The following TRDN variants were observed in gnomAD, a reference collection of about 807,000 sequenced individuals.
TRDN encodes triadin in skeletal muscle.
Under a neutral mutation model 149.7 loss-of-function variants are expected in TRDN, and 161 were observed. The ratio of observed to expected loss-of-function variants is 1.08; its 90% CI spans 0.95 to 1.23. TRDN has a LOEUF of 1.23. Ranked by LOEUF, TRDN falls within the 50% of genes most tolerant of loss-of-function variation. The pLI, the probability that TRDN is intolerant of heterozygous loss-of-function variation, is 0.00. For synonymous variants in TRDN, 294 were observed against 250.5 expected, an observed-to-expected ratio of 1.17 and a Z score of -1.64; for missense variants, 896 against 823.5, an observed-to-expected ratio of 1.09 and a Z score of -1.08.
At chr6:123,360,744 AG>A (rs1780870244) in intron 20 of TRDN, among the ~76,000 whole-genome samples, 2 of 150,786 alleles carry the variant, frequency 1.3e-5, no homozygotes, top group South Asian at 4.3e-4. Flanking sequence ...AGAGAGAGAC[AG>A]GGAGAGAGAG....
chr6:123,363,161 T>C (rs78102290), intron 20 of TRDN, among the ~76,000 whole-genome samples: 1,890 of 152,290 alleles, frequency 0.012, 33 homozygotes, highest in African/African-American at 0.043. Flanking sequence ...TAAGCCTCAA[T>C]TTAGAACAAT....
chr6:123,542,884 GTGTC>G (rs1011527854), intron 4 of TRDN, among the ~76,000 whole-genome samples: 33 of 148,876 alleles, frequency 2.2e-4, no homozygotes, highest in Admixed American at 5.3e-4. Context: ...GTGTGTGTGT[GTGTC>G]TGTCTGTCTG....
intron 1 of TRDN, among the ~76,000 whole-genome samples, chr6:123,617,741 G>C (rs1203308709): frequency 6.6e-6 from 1 of 151,696 alleles, no homozygotes; most frequent in Admixed American, 6.6e-5. Context: ...AAATAAATTT[G>C]TTTGTTTGTT....
At chr6:123,410,177 G>C (rs561853687) in intron 12 of TRDN, among the ~76,000 whole-genome samples, 1 of 152,172 alleles carries the variant, frequency 6.6e-6, no homozygotes, top group South Asian at 2.1e-4. Context: ...TTGGTGTAAA[G>C]TACATATTGT....
rs1775011579 is a variant in TRDN at position 123,217,943 on chromosome 6, T to C, written c.*658A>G. ...TGTCCTAATTATCATTCAAGACATA[T>C]CTTAAAGATTTATCAAGCATTTACT... On this transcript the variant is annotated 3_prime_UTR_variant, in exon 41 of 41. Coordinates refer to ENST00000334268, the MANE Select transcript of TRDN (RefSeq NM_006073.4). 1 of 151,938 alleles carries C rather than the reference T, an allele frequency of 6.6e-6. No homozygotes were observed. The highest frequency in any genetic ancestry group is 6.6e-5 in the Admixed American group (1 of 15,218). The allele number at this position is 151,938 out of a possible 1,614,324, so 9.4% of individuals were successfully genotyped here.
chr6:123,303,545 T>C (rs1778504978), intron 24 of TRDN, among the ~76,000 whole-genome samples: 1 of 151,992 alleles, frequency 6.6e-6, no homozygotes, highest in African/African-American at 2.4e-5. Flanking sequence ...CATGGGCAGG[T>C]GGGATAGTTT....
intron 2 of TRDN, among the ~76,000 whole-genome samples, chr6:123,560,432 C>T (rs1324888631): frequency 6.6e-6 from 1 of 152,068 alleles, no homozygotes; most frequent in Non-Finnish European, 1.5e-5. Context: ...ATCATTAATG[C>T]CTCTTTAATA....
At chr6:123,379,430 T>C (rs1410752973) in intron 16 of TRDN, among the ~76,000 whole-genome samples, 1 of 152,196 alleles carries the variant, frequency 6.6e-6, no homozygotes, top group African/African-American at 2.4e-5. Flanking sequence ...TTATCAAATG[T>C]TGTCTGGCAA....
intron 24 of TRDN, among the ~76,000 whole-genome samples, chr6:123,283,853 C>G (rs779940063): frequency 3.4e-5 from 5 of 148,428 alleles, no homozygotes; most frequent in Non-Finnish European, 6.0e-5. Context: ...TGGATATACC[C>G]AATTCTTTAA....
chr6:123,231,375 T>C (rs2114522162), intron 38 of TRDN, among the ~76,000 whole-genome samples: 1 of 152,190 alleles, frequency 6.6e-6, no homozygotes. Flanking sequence ...ATGGACACTC[T>C]TCCACTGGTG....
At position 123,465,822 on chromosome 6, in the gene TRDN, G is replaced by A. The variant is rs540539502; in HGVS notation, c.854-839C>T. Among the ~76,000 whole-genome samples the A allele has an allele frequency of 3.3e-5, 5 of 152,070 alleles. No individual in the cohort carries two copies. The South Asian group carries it at 1.0e-3, about 32-fold the overall frequency. ...TATCCAGAAATCAACATGCAACATG[G>A]GCATGTGTAACTTCTAAAATCTCAC... On this transcript the variant is annotated intron_variant, in intron 9 of 40. Transcript: ENST00000334268.
intron 4 of TRDN, among the ~76,000 whole-genome samples, chr6:123,540,515 T>G (rs1382330336): frequency 1.3e-5 from 2 of 152,042 alleles, no homozygotes; most frequent in African/African-American, 2.4e-5. Context: ...ACAGAAAAAG[T>G]GTTTTTTTGT....
intron 38 of TRDN, among the ~76,000 whole-genome samples, chr6:123,240,661 C>G (rs1002735495): frequency 6.6e-6 from 1 of 151,802 alleles, no homozygotes; most frequent in Non-Finnish European, 1.5e-5. Flanking sequence ...TAACATTATT[C>G]AAACTCATTT....
intron 6 of TRDN, among the ~76,000 whole-genome samples, chr6:123,514,283 A>C (rs991141535): frequency 6.6e-6 from 1 of 152,098 alleles, no homozygotes; most frequent in African/African-American, 2.4e-5. Context: ...TGAACCCCAG[A>C]GGCAGAGGTT....
At chr6:123,250,561 C>G (rs1776337733) in intron 38 of TRDN, among the ~76,000 whole-genome samples, 1 of 151,766 alleles carries the variant, frequency 6.6e-6, no homozygotes, top group African/African-American at 2.4e-5. Flanking sequence ...ATAATATGTG[C>G]TATAGAGGAA....
In TRDN at chr6:123,627,006, G is replaced by A. The variant is rs1195213668; in HGVS notation, c.22+9748C>T. ...TGCAGTGGCACGATCTCGGCTCACT[G>A]CAGCCTCCACCACCCGGGTTCAAGT... On this transcript the variant is annotated intron_variant, in intron 1 of 40. Coordinates refer to ENST00000334268, the MANE Select transcript of TRDN (RefSeq NM_006073.4). 7.2e-5 allele frequency among the ~76,000 whole-genome samples: 11 copies of A among 151,776 alleles called. No individual in the cohort carries two copies. The East Asian group carries it at 1.8e-3, about 24-fold the overall frequency.
intron 19 of TRDN, among the ~76,000 whole-genome samples, chr6:123,374,771 C>CA (rs11285633): frequency 6.6e-5 from 10 of 150,584 alleles, no homozygotes; most frequent in Non-Finnish European, 1.2e-4. Context: ...AAGACTCCAT[C>CA]AAAAAAAACA....
intron 35 of TRDN, among the ~76,000 whole-genome samples, chr6:123,258,146 C>T (rs530160491): frequency 6.6e-6 from 1 of 152,272 alleles, no homozygotes; most frequent in Admixed American, 6.5e-5. Flanking sequence ...TGCCTGATTG[C>T]TCTGGCCAGA....
intron 27 of TRDN, 69 bp downstream of exon 27, chr6:123,274,572 C>T (rs1241531859): frequency 4.3e-6 from 6 of 1,401,166 alleles, no homozygotes; most frequent in Non-Finnish European, 5.9e-6. Context: ...AGATGTAAGC[C>T]TCTTTTAGTA....
Sources: allele counts gnomAD v4.1 joint callset (sites outside exome capture counted in the v4.1 genomes callset), GRCh38; gene constraint gnomAD v4.1.1; transcripts MANE v1.5; gene names NCBI Gene and HGNC (gene_info 2026-07-23, HGNC 2026-07-21).